The following ICE1 variants were observed in gnomAD, a reference collection of about 807,000 sequenced individuals.
ICE1 encodes the protein interactor of little elongation complex ELL subunit 1.
Under a neutral mutation model 192.7 loss-of-function variants are expected in ICE1, and 64 were observed. The observed-to-expected ratio is 0.33, with a 90% CI of 0.27 to 0.41. ICE1 has a LOEUF of 0.41. Among genes scored for constraint, ICE1 ranks in the 10% least tolerant of loss-of-function variants. ICE1 has a pLI of 1.00. For synonymous variants in ICE1, 1,010 were observed against 984.5 expected (o/e 1.03, Z -0.49); for missense variants, 2,708 against 2,696.0 (o/e 1.00, Z -0.10).
At chr5:5,440,029 T>C (rs986881401) in intron 4 of ICE1, 116 bp downstream of exon 4, 1 of 563,188 alleles carries the variant, frequency 1.8e-6, no homozygotes, top group Non-Finnish European at 3.1e-6. Context: ...ATAGGATTAC[T>C]CATAATATAG....
At chr5:5,459,812 A>G (rs1738698249) in intron 12 of ICE1, among the ~76,000 whole-genome samples, 2 of 152,000 alleles carry the variant, frequency 1.3e-5, no homozygotes, top group African/African-American at 2.4e-5. Context: ...TCAAGAGGAG[A>G]CGAGTTGGGG....
At position 5,459,331 on chromosome 5, in the gene ICE1, A is replaced by C. The variant is rs972057831; in HGVS notation, c.1102-1105A>C. Among the ~76,000 whole-genome samples the C allele has an allele frequency of 2.6e-5, 4 of 152,198 alleles. No individual in the cohort carries two copies. In the East Asian group the frequency reaches 7.7e-4, roughly 29 times the overall value. On this transcript the variant is annotated intron_variant, in intron 12 of 18. Coordinates refer to ENST00000296564, the MANE Select transcript of ICE1 (RefSeq NM_015325.3). ...GATGGAGGAGTCAAAGATGTTGAAA[A>C]ATAGCAAATATAAGAAGTGACCCTG...
rs1284115783 is a variant in ICE1 at position 5,489,284 on chromosome 5, G to A, written c.6755G>A (p.Ser2252Asn). The part of the protein sequence containing the change: ...ASKSVPSAIV[S>N]CLEEVSALST... ...AAAAGCGTTCCGTCTGCGATTGTCA[G>A]CTGCCTAGAGGAAGTCAGTGCCCTG... The change falls in exon 19 of 19, where the codon AGC becomes AAC. Residue 2252 changes from serine (S) to asparagine (N), a missense_variant. Physicochemically the swap from Ser to Asn is conservative, Grantham distance 46. Transcript: ENST00000296564. 1 of 1,613,602 alleles carries A rather than the reference G, an allele frequency of 6.2e-7. No homozygotes were observed. The highest frequency in any genetic ancestry group is 1.1e-5 in the South Asian group (1 of 90,918).
intron 10 of ICE1, 59 bp downstream of exon 10, chr5:5,447,956 CTG>C (rs773093436): frequency 1.7e-5 from 22 of 1,307,792 alleles, no homozygotes; most frequent in East Asian, 5.1e-5. Flanking sequence ...GGTTGTGAGA[CTG>C]TGTTTTGCTC....
intron 3 of ICE1, chr5:5,437,349 G>T (rs185867590): frequency 2.4e-6 from 1 of 415,904 alleles, no homozygotes; most frequent in Non-Finnish European, 4.3e-6. Context: ...TTTTCTTAAC[G>T]TCTCATAAGC....
At chr5:5,436,576 G>GACT (rs1737878583) in intron 2 of ICE1, 100 bp downstream of exon 2, 1 of 587,430 alleles carries the variant, frequency 1.7e-6, no homozygotes, top group Non-Finnish European at 2.8e-6. Flanking sequence ...ATGAACACTA[G>GACT]AGTTTCTCCT....
chr5:5,476,910 G>A (rs1473125209), intron 17 of ICE1, among the ~76,000 whole-genome samples: 2 of 152,146 alleles, frequency 1.3e-5, no homozygotes, highest in Non-Finnish European at 2.9e-5. Flanking sequence ...GAAATGAAAT[G>A]ATTGTTTAAA....
At chr5:5,448,936 T>C (rs568117442) in intron 10 of ICE1, among the ~76,000 whole-genome samples, 2 of 152,360 alleles carry the variant, frequency 1.3e-5, no homozygotes, top group South Asian at 4.1e-4. Context: ...TAAGTAATAG[T>C]TACTGCTGAG....
At position 5,463,743 on chromosome 5, in the gene ICE1, C is replaced by T. The variant is rs773008854; in HGVS notation, c.4409C>T (p.Ser1470Phe). ...GCIPVTSAEK[S>F]PEASHTGPAF... ...ATCCCAGTGACTTCTGCTGAGAAGT[C>T]CCCAGAGGCCAGTCACACTGGCCCT... The change falls in exon 13 of 19, where the codon TCC (serine) becomes TTC (phenylalanine). Residue 1470 changes from serine to phenylalanine, a missense_variant. Physicochemically the swap from Ser to Phe is radical, Grantham distance 155. Coordinates refer to ENST00000296564, the MANE Select transcript of ICE1 (RefSeq NM_015325.3). 4 of 1,613,916 alleles carry T rather than the reference C, an allele frequency of 2.5e-6. No homozygotes were observed. The highest frequency in any genetic ancestry group is 2.2e-5 in the South Asian group (2 of 91,080).
intron 5 of ICE1, among the ~76,000 whole-genome samples, chr5:5,442,752 A>C (rs1738085992): frequency 6.6e-6 from 1 of 152,214 alleles, no homozygotes; most frequent in Non-Finnish European, 1.5e-5. Flanking sequence ...GGGTGTATAT[A>C]TCAGTGTTCA....
intron 1 of ICE1, among the ~76,000 whole-genome samples, chr5:5,426,986 G>A (rs1737540945): frequency 6.6e-6 from 1 of 152,192 alleles, no homozygotes; most frequent in African/African-American, 2.4e-5. Context: ...TATTGGTGTT[G>A]TGACTTCATT....
intron 10 of ICE1, among the ~76,000 whole-genome samples, chr5:5,454,135 G>T (rs1356771880): frequency 2.0e-5 from 3 of 152,066 alleles, no homozygotes; most frequent in Admixed American, 2.0e-4. Flanking sequence ...TCTACTCCTT[G>T]TAAAATACAT....
At chr5:5,453,829 C>A (rs1329311394) in intron 10 of ICE1, among the ~76,000 whole-genome samples, 1 of 152,086 alleles carries the variant, frequency 6.6e-6, no homozygotes, top group Non-Finnish European at 1.5e-5. Context: ...GTTACAGCAT[C>A]CCTTGGCCTT....
At chr5:5,452,163 A>ATTTTTT (rs952502832) in intron 10 of ICE1, among the ~76,000 whole-genome samples, 5 of 133,124 alleles carry the variant, frequency 3.8e-5, no homozygotes, top group African/African-American at 5.5e-5. Flanking sequence ...TGTTTGTTCC[A>ATTTTTT]TTTTTTTTTT....
At chr5:5,468,364 A>T (rs1037595315) in intron 14 of ICE1, among the ~76,000 whole-genome samples, 1 of 152,212 alleles carries the variant, frequency 6.6e-6, no homozygotes, top group Admixed American at 6.5e-5. Flanking sequence ...TGAACTTTAT[A>T]CTTTAAAAGA....
rs77154948 is a variant in ICE1, at chr5:5,429,652, T to C, written c.84+6653T>C. ...TTTGCTATATTATCTATATACTTACTACCTTAGCATAACCATTTTCCTGGC... is the reference window on the plus strand; with the variant it reads ...TTTGCTATATTATCTATATACTTACCACCTTAGCATAACCATTTTCCTGGC... On this transcript the variant is annotated intron_variant, in intron 1 of 18. Transcript: ENST00000296564. Among the ~76,000 whole-genome samples the C allele has an allele frequency of 5.8e-3, 878 of 152,362 alleles. 7 individuals are homozygous for C. Among genetic ancestry groups the C allele is most frequent in the African/African-American group, 0.02 (820 of 41,572 alleles).
At chr5:5,438,775 A>G (rs1298519738) in intron 3 of ICE1, among the ~76,000 whole-genome samples, 1 of 152,244 alleles carries the variant, frequency 6.6e-6, no homozygotes, top group Non-Finnish European at 1.5e-5. Context: ...ATCCTTTATT[A>G]ACGGATAACA....
intron 7 of ICE1, among the ~76,000 whole-genome samples, chr5:5,444,611 G>T (rs1054597698): frequency 2.0e-5 from 3 of 152,092 alleles, no homozygotes; most frequent in African/African-American, 7.2e-5. Flanking sequence ...ATTAATGAAA[G>T]AATTTAATTT....
intron 17 of ICE1, among the ~76,000 whole-genome samples, chr5:5,480,254 T>TC (rs1466785800): frequency 6.9e-6 from 1 of 143,942 alleles, no homozygotes; most frequent in Non-Finnish European, 1.5e-5. Context: ...TTTTTCTTTT[T>TC]TTTTTTTTTT....
Sources: gnomAD v4.1 joint callset for allele counts (sites outside exome capture counted in the v4.1 genomes callset) on GRCh38, gnomAD v4.1.1 for gene constraint, MANE v1.5 for transcripts, NCBI Gene and HGNC (gene_info 2026-07-23, HGNC 2026-07-21) for gene names.